Variants in NBAS observed in about 807,000 individuals in gnomAD.
The protein encoded by NBAS is NBAS subunit of NRZ tethering complex.
In NBAS, 219 loss-of-function variants were observed where a neutral mutation model predicts 302.5. The observed-to-expected ratio is 0.72, with a 90% CI of 0.65 to 0.81. NBAS has a LOEUF of 0.81. NBAS is among the 30% of genes least tolerant of loss of function. The pLI is 0.00. For missense variants in NBAS, 2,932 were observed against 2,841.6 expected (o/e 1.03, Z -0.72); for synonymous variants, 1,118 against 1,021.6 (o/e 1.09, Z -1.80).
intron 10 of NBAS, among the ~76,000 whole-genome samples, 179 bp from the exon 11 acceptor site, chr2:15,504,392 A>T (rs879000880): frequency 6.6e-6 from 1 of 152,180 alleles, no homozygotes; most frequent in African/African-American, 2.4e-5. Context: ...GGGAAAAAAA[A>T]ATCCACCAAG....
chr2:15,488,686 G>A (rs1211049262), intron 12 of NBAS, among the ~76,000 whole-genome samples: 1 of 152,042 alleles, frequency 6.6e-6, no homozygotes, highest in Non-Finnish European at 1.5e-5. Context: ...TATACAGAGT[G>A]TACCACACTA....
chr2:14,802,398 C>T, the NBAS span, among the ~76,000 whole-genome samples: 11 of 151,070 alleles, frequency 7.3e-5, no homozygotes, highest in Non-Finnish European at 1.3e-4. Flanking sequence ...GTTTTGGTAC[C>T]AGTCCCATGC....
At position 15,529,278 on chromosome 2, in the gene NBAS, T is replaced by C. The variant is rs139297860; in HGVS notation, c.746+5265A>G. ...ACTTTGGGAGGCTGAGGCAGGTAGA[T>C]TGCTTGAGCTCAGGAATGCAAGATC... On this transcript the variant is annotated intron_variant, in intron 9 of 51. Coordinates refer to ENST00000281513, the MANE Select transcript of NBAS (RefSeq NM_015909.4). 9.9e-3 allele frequency among the ~76,000 whole-genome samples: 1,506 copies of C among 152,182 alleles called. 18 individuals are homozygous for C. Among genetic ancestry groups the C allele is most frequent in the African/African-American group, 0.031 (1,297 of 41,522 alleles).
At chr2:14,835,396 T>C in the NBAS span, among the ~76,000 whole-genome samples, 1 of 151,994 alleles carries the variant, frequency 6.6e-6, no homozygotes, top group East Asian at 1.9e-4. Flanking sequence ...TAAACATGTA[T>C]GTAACTCCCG....
At chr2:15,522,861 T>C (rs1662741954) in intron 9 of NBAS, among the ~76,000 whole-genome samples, 1 of 152,222 alleles carries the variant, frequency 6.6e-6, no homozygotes, top group Non-Finnish European at 1.5e-5. Context: ...TTAACACGTT[T>C]TATATTTATT....
chr2:14,788,670 C>T, the NBAS span, among the ~76,000 whole-genome samples: 46 of 152,270 alleles, frequency 3.0e-4, no homozygotes, highest in African/African-American at 1.0e-3. Flanking sequence ...GCTGTCTGAT[C>T]GTTCCTCTGG....
the NBAS span, among the ~76,000 whole-genome samples, chr2:14,836,303 A>G: frequency 5.3e-5 from 8 of 151,804 alleles, no homozygotes; most frequent in Non-Finnish European, 1.2e-4. Flanking sequence ...TTGTGTTACA[A>G]CTATAAATTT....
At chr2:15,464,951 CAG>C (rs1488552845) in intron 19 of NBAS, among the ~76,000 whole-genome samples, 1 of 152,222 alleles carries the variant, frequency 6.6e-6, no homozygotes, top group East Asian at 1.9e-4. Context: ...GGCTACTCGT[CAG>C]AGAGACCTGA....
chr2:15,371,578 T>C (rs1429171222), intron 31 of NBAS, among the ~76,000 whole-genome samples: 1 of 152,240 alleles, frequency 6.6e-6, no homozygotes, highest in Non-Finnish European at 1.5e-5. Flanking sequence ...AGCTCAAAGA[T>C]ACTGTTGCCA....
chr2:15,232,013 T>C (rs1202985672), intron 47 of NBAS, among the ~76,000 whole-genome samples: 5 of 152,216 alleles, frequency 3.3e-5, no homozygotes, highest in Admixed American at 1.3e-4. Context: ...AAAACAAAGC[T>C]GACTTTAATT....
At chr2:15,222,062 A>T (rs1485333327) in intron 47 of NBAS, among the ~76,000 whole-genome samples, 1 of 152,212 alleles carries the variant, frequency 6.6e-6, no homozygotes, top group Non-Finnish European at 1.5e-5. Flanking sequence ...GTTGTTGAGA[A>T]ATTAAACAGA....
chr2:15,549,983 G>A (rs80302294), intron 6 of NBAS, among the ~76,000 whole-genome samples: 3,079 of 151,826 alleles, frequency 0.02, 70 homozygotes, highest in East Asian at 0.057. Flanking sequence ...CAAGACCCTC[G>A]TCTCTACAAA....
intron 32 of NBAS, among the ~76,000 whole-genome samples, chr2:15,362,652 CACAATATAAAA>C (rs1673993344): frequency 6.6e-6 from 1 of 152,124 alleles, no homozygotes; most frequent in African/African-American, 2.4e-5. Context: ...GCACCTATAA[CACAATATAAAA>C]CCTATTTCCT....
At chr2:14,828,187 A>G in the NBAS span, among the ~76,000 whole-genome samples, 78 of 152,312 alleles carry the variant, frequency 5.1e-4, 1 homozygote, top group African/African-American at 1.8e-3. Context: ...TAGAAAAAAA[A>G]TAGATAATAA....
At chr2:15,290,133 A>G (rs1378164008) in intron 41 of NBAS, among the ~76,000 whole-genome samples, 1 of 149,804 alleles carries the variant, frequency 6.7e-6, no homozygotes, top group South Asian at 2.2e-4. Flanking sequence ...GAGGAGAGAG[A>G]AGAGAAGAGA....
intron 9 of NBAS, among the ~76,000 whole-genome samples, chr2:15,523,806 C>T (rs994933010): frequency 3.3e-5 from 5 of 152,158 alleles, no homozygotes; most frequent in East Asian, 1.9e-4. Context: ...CCCAGCAACT[C>T]GAGAAGCTGA....
At chr2:15,308,706 A>T (rs956681772) in intron 39 of NBAS, among the ~76,000 whole-genome samples, 3 of 152,172 alleles carry the variant, frequency 2.0e-5, no homozygotes, top group Admixed American at 1.3e-4. Context: ...GTTGAATAGG[A>T]GTGGTGAGAG....
chr2:15,287,231 T>A lies in NBAS; in HGVS notation c.5028-48A>T, dbSNP rs376141182. ...CAGGAAGGGAGAGAGGAGAAACACATGACTTCAATCAGCAACGAAAATGCT... is the reference window on the plus strand; with the variant it reads ...CAGGAAGGGAGAGAGGAGAAACACAAGACTTCAATCAGCAACGAAAATGCT... On this transcript the variant is annotated intron_variant, in intron 41 of 51. Transcript: ENST00000281513. 8.1e-6 allele frequency: 12 copies of A among 1,481,622 alleles called. No individual in the cohort carries two copies. The Middle Eastern group carries it at 5.2e-4, about 64-fold the overall frequency. 91.8% of individuals were successfully genotyped at this position (1,481,622 alleles called of 1,614,324 possible). A position where few individuals can be genotyped will look rare whatever the true frequency, so the allele number is the denominator to read the frequency against.
In NBAS at chr2:15,234,635, T is replaced by C; in HGVS notation, c.6056A>G (p.Gln2019Arg). The C allele has an allele frequency of 6.2e-7, 1 of 1,614,164 alleles. No individual in the cohort carries two copies. The highest frequency in any genetic ancestry group is 8.5e-7 in the Non-Finnish European group (1 of 1,179,998). ...CLDGQPLAMIQQLLEVAVGPL... is the reference protein window; with the variant it reads ...CLDGQPLAMIRQLLEVAVGPL... ...GCCAACTGCCACCTCTAGCAGCTGCTGAATCATTGCTAGAGGCTGACCATC... is the reference window on the plus strand; with the variant it reads ...GCCAACTGCCACCTCTAGCAGCTGCCGAATCATTGCTAGAGGCTGACCATC... Residue 2019 changes from glutamine to arginine, a missense_variant, in exon 46 of 52, where the codon CAG becomes CGG. Gln to Arg is a conservative substitution (Grantham distance 43, BLOSUM62 1). Coordinates refer to ENST00000281513, the MANE Select transcript of NBAS (RefSeq NM_015909.4).
Sources: gnomAD v4.1 joint callset for allele counts (sites outside exome capture counted in the v4.1 genomes callset) on GRCh38, gnomAD v4.1.1 for gene constraint, MANE v1.5 for transcripts, NCBI Gene and HGNC (gene_info 2026-07-23, HGNC 2026-07-21) for gene names.